The following MINDY4 variants were observed in gnomAD, a reference collection of about 807,000 sequenced individuals.
MINDY4 encodes probable ubiquitin carboxyl-terminal hydrolase MINDY-4.
In MINDY4, 68 loss-of-function variants were observed where a neutral mutation model predicts 87.0. That is an observed-to-expected ratio of 0.78 (90% confidence interval 0.64 to 0.96). The LOEUF (loss-of-function observed/expected upper bound fraction) is 0.96, where lower values mean the gene tolerates loss of function less well. Among genes scored for constraint, MINDY4 ranks in the 40% least tolerant of loss-of-function variants. The probability of loss-of-function intolerance (pLI) is 0.00; values close to 1 mark genes in which losing one functional copy is unlikely to be tolerated. For synonymous variants in MINDY4, 379 were observed against 363.2 expected (o/e 1.04, Z -0.50); for missense variants, 919 against 928.2 (o/e 0.99, Z 0.13).
chr7:30,880,575 C>T (rs905100868), intron 15 of MINDY4, among the ~76,000 whole-genome samples: 3 of 152,188 alleles, frequency 2.0e-5, no homozygotes, highest in Non-Finnish European at 4.4e-5. Context: ...GACTCTCTCC[C>T]TGCCGTGAAT....
In MINDY4 at chr7:30,854,235, C is replaced by T. The variant is rs188689132; in HGVS notation, c.1677+776C>T. Among the ~76,000 whole-genome samples the T allele has an allele frequency of 1.3e-3, 204 of 152,324 alleles. 1 individual carries two copies. Among genetic ancestry groups the T allele is most frequent in the African/African-American group, 4.5e-3 (185 of 41,564 alleles). On this transcript the variant is annotated intron_variant, in intron 12 of 17. Transcript: ENST00000265299. ...AGGCAACTTTCTGAATCCTTCTGTA[C>T]CTCACTTTCCTCATTTGTAAAATGT...
intron 5 of MINDY4, among the ~76,000 whole-genome samples, chr7:30,823,890 T>G (rs977784726): frequency 4.6e-5 from 7 of 152,246 alleles, no homozygotes; most frequent in Non-Finnish European, 8.8e-5. Context: ...GTAGGAATGC[T>G]CTGCCAGATA....
intron 10 of MINDY4, 93 bp from the exon 11 acceptor site, chr7:30,852,123 G>T: frequency 1.4e-6 from 2 of 1,433,500 alleles, no homozygotes; most frequent in Non-Finnish European, 1.9e-6. Flanking sequence ...CTTCTTATTT[G>T]TCCTTATTTA....
rs56380069 is a variant in MINDY4, at chr7:30,782,342, T to TTGTG, written c.419+157_419+160dup. 682 of 578,640 alleles carry TTGTG rather than the reference T, an allele frequency of 1.2e-3. 2 individuals are homozygous for TTGTG. The highest frequency in any genetic ancestry group is 7.2e-3 in the African/African-American group (374 of 52,140). 35.8% of individuals were successfully genotyped at this position (578,640 alleles called of 1,614,324 possible). A position where few individuals can be genotyped will look rare whatever the true frequency, so the allele number is the denominator to read the frequency against. On this transcript the variant is annotated intron_variant, in intron 3 of 17. Transcript: ENST00000265299. ...CAATATAGTCTCTGTGTGTGTATGT[T>TTGTG]TGTGTGTGTGTGTGTGTGTGTGTGT... is the stretch of plus-strand genomic sequence containing the variant.
chr7:30,791,235 G>A lies in MINDY4; in HGVS notation c.734G>A (p.Ser245Asn), dbSNP rs1328626200. Reference sequence around the variant, plus strand: ...AGCTCCACCCAACCCCAAGAAGAGAGCCGGAAGGTCCCTGAGCTCTTTGTC... The same window carrying A: ...AGCTCCACCCAACCCCAAGAAGAGAACCGGAAGGTCCCTGAGCTCTTTGTC... ...SSSSTQPQEESRKVPELFVCT... is the reference protein window; with the variant it reads ...SSSSTQPQEENRKVPELFVCT... The change falls in exon 5 of 18, where the codon AGC (serine) becomes AAC (asparagine). Residue 245 changes from serine (S) to asparagine (N), a missense_variant. Transcript: ENST00000265299. 6.2e-7 allele frequency: 1 copy of A among 1,614,036 alleles called. No individual in the cohort carries two copies. Among genetic ancestry groups the A allele is most frequent in the African/African-American group, 1.3e-5 (1 of 74,924 alleles).
At position 30,786,074 on chromosome 7, in the gene MINDY4, G is replaced by C. The variant is rs969621638; in HGVS notation, c.663+82G>C. On this transcript the variant is annotated intron_variant, in intron 4 of 17. Transcript: ENST00000265299. ...CTTAAGGCACGCCTGGGTTTATTTGGGGTACCCCACAGGGCAGTCCGAGAA... is the reference window on the plus strand; with the variant it reads ...CTTAAGGCACGCCTGGGTTTATTTGCGGTACCCCACAGGGCAGTCCGAGAA... 49 of 1,569,414 alleles carry C rather than the reference G, an allele frequency of 3.1e-5. No individual in the cohort carries two copies. The African/African-American group carries it at 6.2e-4, about 20-fold the overall frequency.
In MINDY4 at chr7:30,792,004, A is replaced by T. The variant is rs370883411; in HGVS notation, c.1073+430A>T. On this transcript the variant is annotated intron_variant, in intron 5 of 17. Transcript: ENST00000265299. ...GGGTTGGACAAGCTTGCTTTAGCAG[A>T]TGGTCCCAAAACATACCTGCAGCAA... is the stretch of plus-strand genomic sequence containing the variant. 2.6e-4 allele frequency among the ~76,000 whole-genome samples: 39 copies of T among 152,228 alleles called. No homozygotes were observed. The East Asian group carries it at 3.1e-3, about 12-fold the overall frequency.
chr7:30,875,396 C>A (rs2128579469), intron 14 of MINDY4, 99 bp from the exon 15 acceptor site: 1 of 1,356,180 alleles, frequency 7.4e-7, no homozygotes, highest in African/African-American at 1.4e-5. Flanking sequence ...CCTTGCTTTC[C>A]TTCCTTCTCC....
Position 30,892,228 on chromosome 7 carries a change from G to T in MINDY4, c.*223G>T. 5.4e-6 allele frequency: 3 copies of T among 559,780 alleles called. No homozygotes were observed. Among genetic ancestry groups the T allele is most frequent in the Non-Finnish European group, 3.2e-6 (1 of 313,918 alleles). 34.7% of individuals were successfully genotyped at this position (559,780 alleles called of 1,614,324 possible). A position where few individuals can be genotyped will look rare whatever the true frequency, so the allele number is the denominator to read the frequency against. ...GTCCCCTCCCAGCTGAGCTGTGACT[G>T]CTGAGTACTGGAAGGAGGTTGCCAG... On this transcript the variant is annotated 3_prime_UTR_variant, in exon 18 of 18. Coordinates refer to ENST00000265299, the MANE Select transcript of MINDY4 (RefSeq NM_032222.3).
intron 17 of MINDY4, among the ~76,000 whole-genome samples, chr7:30,889,548 A>G (rs1268337003): frequency 1.3e-5 from 2 of 152,224 alleles, no homozygotes; most frequent in Non-Finnish European, 2.9e-5. Context: ...TTTGTCTCCA[A>G]ATACGGCACC....
chr7:30,892,079 C>T lies in MINDY4; in HGVS notation c.*74C>T. 6.5e-7 allele frequency: 1 copy of T among 1,537,538 alleles called. No individual in the cohort carries two copies. Among genetic ancestry groups the T allele is most frequent in the Non-Finnish European group, 9.0e-7 (1 of 1,110,732 alleles). On this transcript the variant is annotated 3_prime_UTR_variant, in exon 18 of 18. Transcript: ENST00000265299. ...CCGAGGATGACAGCTGAACCCCAAG[C>T]CTCTGGGGCAGGTCTCATGTACCCC...
chr7:30,842,739 C>T (rs533868515), intron 9 of MINDY4, among the ~76,000 whole-genome samples: 8 of 152,294 alleles, frequency 5.3e-5, no homozygotes, highest in African/African-American at 1.7e-4. Context: ...TTTCATCTTA[C>T]GGAGATAGGA....
chr7:30,845,160 C>T (rs1046580371), intron 9 of MINDY4, among the ~76,000 whole-genome samples: 4 of 152,154 alleles, frequency 2.6e-5, no homozygotes, highest in African/African-American at 7.2e-5. Flanking sequence ...AGACTTCCAT[C>T]GCTGGACACC....
At chr7:30,803,258 TA>T (rs1394157618) in intron 5 of MINDY4, 1 of 152,364 alleles carries the variant, frequency 6.6e-6, no homozygotes, top group Non-Finnish European at 1.5e-5. Flanking sequence ...TGCCTGAGTA[TA>T]GGGGTGACTT....
In MINDY4 at chr7:30,853,464, G is replaced by A. The variant is rs1487635146; in HGVS notation, c.1677+5G>A. 1 of 1,608,946 alleles carries A rather than the reference G, an allele frequency of 6.2e-7. No individual in the cohort carries two copies. Among genetic ancestry groups the A allele is most frequent in the South Asian group, 1.1e-5 (1 of 90,162 alleles). On this transcript the variant is annotated splice_donor_5th_base_variant and intron_variant, in intron 12 of 17. Coordinates refer to ENST00000265299, the MANE Select transcript of MINDY4 (RefSeq NM_032222.3). ...CTTCAACAAAGCATTCATCAGGTAT[G>A]AAGCATGCCTTACTCCTGTGGGATG... is the stretch of plus-strand genomic sequence containing the variant.
At position 30,850,323 on chromosome 7, in the gene MINDY4, G is replaced by T. The variant is rs900454009; in HGVS notation, c.1446-131G>T. 5 of 792,106 alleles carry T rather than the reference G, an allele frequency of 6.3e-6. No individual in the cohort carries two copies. In the East Asian group the frequency reaches 1.4e-4, roughly 22 times the overall value. The allele number at this position is 792,106 out of a possible 1,614,324, so 49.1% of individuals were successfully genotyped here. On this transcript the variant is annotated intron_variant, in intron 9 of 17. Coordinates refer to ENST00000265299, the MANE Select transcript of MINDY4 (RefSeq NM_032222.3). ...TTGCCTTGGGGCTCCTGGGCTGCAG[G>T]TGGCCCCTCTGCAGGCCAGAGAAAG...
rs190028632 is a variant in MINDY4, at chr7:30,801,368, G to A, written c.1073+9794G>A. ...ATACCTATTTCCTTTCCAGCATGCC[G>A]GTCATCCTGTGTGGATAGTGGCCTG... On this transcript the variant is annotated intron_variant, in intron 5 of 17. Transcript: ENST00000265299. Among the ~76,000 whole-genome samples the A allele has an allele frequency of 2.6e-5, 4 of 152,230 alleles. No individual in the cohort carries two copies. The East Asian group carries it at 7.7e-4, about 29-fold the overall frequency.
rs566721142 is a variant in MINDY4, at chr7:30,819,925, G to A, written c.1074-8754G>A. Among the ~76,000 whole-genome samples, 9 of 122,160 alleles carry A rather than the reference G, an allele frequency of 7.4e-5. No homozygotes were observed. In the East Asian group the frequency reaches 2.1e-3, roughly 28 times the overall value. 80.1% of individuals were successfully genotyped at this position (122,160 alleles called of 152,430 possible). The stretch of plus-strand genomic sequence containing the variant: ...TTTTTTTTTTTTTTTTTTTTGAGAC[G>A]GAGTCTCGCTCTGTCGCCCAGGCTG... On this transcript the variant is annotated intron_variant, in intron 5 of 17. Coordinates refer to ENST00000265299, the MANE Select transcript of MINDY4 (RefSeq NM_032222.3).
chr7:30,888,278 G>T (rs1790695038), intron 17 of MINDY4, among the ~76,000 whole-genome samples: 1 of 152,154 alleles, frequency 6.6e-6, no homozygotes, highest in Non-Finnish European at 1.5e-5. Flanking sequence ...TGGTCTCAAC[G>T]GGACAATTGT....
Sources: gnomAD v4.1 joint callset for allele counts (sites outside exome capture counted in the v4.1 genomes callset) on GRCh38, gnomAD v4.1.1 for gene constraint, MANE v1.5 for transcripts, NCBI Gene and HGNC (gene_info 2026-07-23, HGNC 2026-07-21) for gene names.